The following VPS13B variants were observed in gnomAD, a reference collection of about 807,000 sequenced individuals.
VPS13B encodes intermembrane lipid transfer protein VPS13B.
A neutral mutation model predicts 426.4 loss-of-function variants in VPS13B; 285 were observed. That is an observed-to-expected ratio of 0.67 (90% CI 0.61 to 0.74). The LOEUF (loss-of-function observed/expected upper bound fraction) is 0.74, where lower values mean the gene tolerates loss of function less well. VPS13B is among the 30% of genes least tolerant of loss of function. VPS13B has a pLI of 0.00. For missense variants in VPS13B, 4,537 were observed against 4,782.6 expected (o/e 0.95, Z 1.51); for synonymous variants, 1,676 against 1,676.4 (o/e 1.00, Z 0.01).
At chr8:99,383,156 G>A (rs771171846) in intron 19 of VPS13B, among the ~76,000 whole-genome samples, 8 of 152,116 alleles carry the variant, frequency 5.3e-5, no homozygotes, top group Non-Finnish European at 1.0e-4. Context: ...ATCAGAAAGG[G>A]ACAAAAATAG....
chr8:99,724,836 A>G (rs1248120640), intron 39 of VPS13B, among the ~76,000 whole-genome samples: 1 of 152,174 alleles, frequency 6.6e-6, no homozygotes, highest in Non-Finnish European at 1.5e-5. Context: ...AATTCCCTGA[A>G]GAAAACCTTC....
chr8:99,485,681 T>C (rs1336309172), intron 25 of VPS13B, among the ~76,000 whole-genome samples: 1 of 152,200 alleles, frequency 6.6e-6, no homozygotes, highest in East Asian at 1.9e-4. Context: ...GTTGACATGA[T>C]AGTGTGGCTA....
chr8:99,314,739 C>T (rs1410983485), intron 19 of VPS13B, among the ~76,000 whole-genome samples: 1 of 152,206 alleles, frequency 6.6e-6, no homozygotes, highest in Non-Finnish European at 1.5e-5. Context: ...GCGAGAACCA[C>T]TACAGCCAGC....
intron 39 of VPS13B, among the ~76,000 whole-genome samples, chr8:99,740,009 C>A (rs1025437383): frequency 6.6e-6 from 1 of 151,894 alleles, no homozygotes; most frequent in Admixed American, 6.6e-5. Flanking sequence ...AGGCTTCAGA[C>A]GATCAAACTA....
intron 3 of VPS13B, among the ~76,000 whole-genome samples, chr8:99,090,711 G>T (rs570530415): frequency 6.6e-6 from 1 of 151,342 alleles, no homozygotes; most frequent in Admixed American, 6.6e-5. Context: ...ACTTTTCTTT[G>T]CTCAGACATC....
intron 20 of VPS13B, among the ~76,000 whole-genome samples, chr8:99,385,289 G>C (rs1814053753): frequency 6.6e-6 from 1 of 152,054 alleles, no homozygotes; most frequent in South Asian, 2.1e-4. Flanking sequence ...CCAAATTCGT[G>C]CTTTATTGAA....
intron 17 of VPS13B, among the ~76,000 whole-genome samples, chr8:99,269,576 A>G (rs1241991313): frequency 1.3e-5 from 2 of 152,252 alleles, no homozygotes; most frequent in African/African-American, 4.8e-5. Context: ...AACAATAATA[A>G]ATAGTGACTA....
At chr8:99,538,569 C>A (rs1207515312) in intron 30 of VPS13B, among the ~76,000 whole-genome samples, 1 of 152,090 alleles carries the variant, frequency 6.6e-6, no homozygotes, top group Non-Finnish European at 1.5e-5. Context: ...GAGCCAGTTT[C>A]ATCTTTTCCC....
chr8:99,586,265 A>AGATT (rs2133827893), intron 33 of VPS13B, among the ~76,000 whole-genome samples: 1 of 152,252 alleles, frequency 6.6e-6, no homozygotes, highest in East Asian at 1.9e-4. Context: ...CTTCTCTTAA[A>AGATT]TCCACATGAT....
At chr8:99,451,057 T>A (rs1818173119) in intron 23 of VPS13B, among the ~76,000 whole-genome samples, 2 of 152,206 alleles carry the variant, frequency 1.3e-5, no homozygotes, top group South Asian at 4.1e-4. Context: ...GCAACCAGAA[T>A]AATAAATGAG....
chr8:99,746,007 TTTC>T (rs1439198717), intron 39 of VPS13B, among the ~76,000 whole-genome samples: 1 of 152,130 alleles, frequency 6.6e-6, no homozygotes, highest in Non-Finnish European at 1.5e-5. Flanking sequence ...AGTTGATATG[TTTC>T]TTAAGTCTCT....
intron 17 of VPS13B, among the ~76,000 whole-genome samples, chr8:99,256,830 G>T (rs937259310): frequency 6.6e-6 from 1 of 151,916 alleles, no homozygotes; most frequent in Non-Finnish European, 1.5e-5. Context: ...TTCTCAGATT[G>T]TTTCCCTCCA....
intron 27 of VPS13B, among the ~76,000 whole-genome samples, chr8:99,504,027 C>T (rs1821370975): frequency 6.6e-6 from 1 of 152,098 alleles, no homozygotes; most frequent in Admixed American, 6.5e-5. Flanking sequence ...AATGTGATCC[C>T]CAGTGTTGGA....
rs60078732 is a variant in VPS13B at position 99,876,364 on chromosome 8, CTGA to C, written c.*703_*705del. 0.21 allele frequency: 32,294 copies of C among 152,194 alleles called. 4,375 individuals carry two copies. The highest frequency in any genetic ancestry group is 0.39 in the African/African-American group (16,152 of 41,296). 9.4% of individuals were successfully genotyped at this position (152,194 alleles called of 1,614,324 possible). On this transcript the variant is annotated 3_prime_UTR_variant, in exon 62 of 62. Transcript: ENST00000357162. ...GCATTTTACTAAAATTTACAACAGT[CTGA>C]TGATTGATTGATTACTGTCCAGGTA...
intron 13 of VPS13B, among the ~76,000 whole-genome samples, chr8:99,143,676 G>T (rs2132583064): frequency 6.6e-6 from 1 of 152,242 alleles, no homozygotes; most frequent in African/African-American, 2.4e-5. Context: ...AGTGTAATGA[G>T]GAAGTATAAG....
chr8:99,739,555 T>C (rs1056537210), intron 39 of VPS13B, among the ~76,000 whole-genome samples: 3 of 152,152 alleles, frequency 2.0e-5, no homozygotes, highest in African/African-American at 7.2e-5. Context: ...CAGAGTAGCC[T>C]AACTGGGAGG....
chr8:99,802,663 T>C (rs1813186001), intron 43 of VPS13B, among the ~76,000 whole-genome samples: 1 of 152,168 alleles, frequency 6.6e-6, no homozygotes, highest in Admixed American at 6.5e-5. Context: ...ATACTTTTTG[T>C]TTATTTGTTT....
intron 6 of VPS13B, among the ~76,000 whole-genome samples, chr8:99,114,779 G>T (rs189110115): frequency 3.9e-5 from 6 of 152,126 alleles, no homozygotes; most frequent in Non-Finnish European, 7.4e-5. Flanking sequence ...CTAAAAATAC[G>T]ATGATTACCA....
chr8:99,035,457 A>G (rs577322513), intron 2 of VPS13B, among the ~76,000 whole-genome samples: 1 of 152,290 alleles, frequency 6.6e-6, no homozygotes, highest in Admixed American at 6.5e-5. Flanking sequence ...TTTATTTACC[A>G]TAATGTCCTC....
Sources: gnomAD v4.1 joint callset for allele counts (sites outside exome capture counted in the v4.1 genomes callset) on GRCh38, gnomAD v4.1.1 for gene constraint, MANE v1.5 for transcripts, NCBI Gene and HGNC (gene_info 2026-07-23, HGNC 2026-07-21) for gene names.